The following CTNNA2 variants were observed in gnomAD, a reference collection of about 807,000 sequenced individuals.
The protein encoded by CTNNA2 is catenin alpha-2.
CTNNA2 carries 42 observed loss-of-function variants against 101.0 expected under a neutral mutation model. That is an observed-to-expected ratio of 0.42 (90% CI 0.32 to 0.54). The LOEUF (loss-of-function observed/expected upper bound fraction) is 0.54. Among genes scored for constraint, CTNNA2 ranks in the 20% least tolerant of loss-of-function variants. The pLI is 0.14. For synonymous variants in CTNNA2, 450 were observed against 456.4 expected (o/e 0.99, Z 0.18); for missense variants, 871 against 1,223.1 (o/e 0.71, Z 4.29).
At chr2:79,216,088 T>C (rs1674254097) in intron 2 of CTNNA2, among the ~76,000 whole-genome samples, 1 of 152,130 alleles carries the variant, frequency 6.6e-6, no homozygotes, top group African/African-American at 2.4e-5. Context: ...TTGCCTATTT[T>C]ACGACAAGAA....
intron 2 of CTNNA2, among the ~76,000 whole-genome samples, chr2:79,655,047 T>G (rs1356189497): frequency 7.9e-5 from 12 of 152,202 alleles, no homozygotes; most frequent in Admixed American, 7.9e-4. Context: ...TGTTGTGTTT[T>G]ATAAAATATT....
At chr2:79,595,978 C>T (rs867589789) in intron 1 of CTNNA2, among the ~76,000 whole-genome samples, 1 of 151,088 alleles carries the variant, frequency 6.6e-6, no homozygotes, top group African/African-American at 2.4e-5. Context: ...ATACTCTTCT[C>T]TTTAATGCCT....
intron 4 of CTNNA2, among the ~76,000 whole-genome samples, chr2:79,456,592 C>T (rs1670825079): frequency 6.6e-6 from 1 of 152,166 alleles, no homozygotes; most frequent in Non-Finnish European, 1.5e-5. Context: ...GACAAATTGA[C>T]ATCAGCTTGT....
intron 7 of CTNNA2, among the ~76,000 whole-genome samples, chr2:80,365,344 T>C (rs977794684): frequency 2.0e-5 from 3 of 152,186 alleles, no homozygotes; most frequent in Non-Finnish European, 4.4e-5. Flanking sequence ...ATGCTGACAG[T>C]GCAGCCCTGC....
chr2:79,241,008 A>G (rs1228239102), intron 2 of CTNNA2, among the ~76,000 whole-genome samples: 3 of 152,148 alleles, frequency 2.0e-5, no homozygotes, highest in African/African-American at 7.2e-5. Flanking sequence ...GCTTCACTCA[A>G]CATATTCCCT....
At chr2:79,354,747 G>T (rs1342959726) in intron 3 of CTNNA2, among the ~76,000 whole-genome samples, 6 of 152,090 alleles carry the variant, frequency 3.9e-5, no homozygotes, top group Admixed American at 3.9e-4. Flanking sequence ...AGAGTGAATT[G>T]CCCTGCAGTT....
At chr2:79,959,730 G>A (rs915659419) in intron 7 of CTNNA2, among the ~76,000 whole-genome samples, 2 of 152,230 alleles carry the variant, frequency 1.3e-5, no homozygotes, top group African/African-American at 4.8e-5. Context: ...ACAAGTAGGA[G>A]CAGTGAGATT....
At chr2:80,189,892 T>C (rs1409917163) in intron 7 of CTNNA2, among the ~76,000 whole-genome samples, 1 of 152,134 alleles carries the variant, frequency 6.6e-6, no homozygotes, top group Non-Finnish European at 1.5e-5. Context: ...GAGAGTTTTG[T>C]TGTGTGTGTG....
chr2:79,993,055 G>C (rs1446126699), intron 7 of CTNNA2, among the ~76,000 whole-genome samples: 1 of 152,066 alleles, frequency 6.6e-6, no homozygotes, highest in East Asian at 1.9e-4. Flanking sequence ...TCAACAGGTG[G>C]CTTTCTTGCA....
intron 4 of CTNNA2, 129 bp from the exon 5 acceptor site, chr2:79,869,687 C>A: frequency 8.6e-7 from 1 of 1,168,930 alleles, no homozygotes; most frequent in African/African-American, 1.6e-5. Flanking sequence ...AACTCTTCTC[C>A]TATTTTTTCA....
chr2:80,138,267 C>T (rs17018676), intron 7 of CTNNA2, among the ~76,000 whole-genome samples: 12 of 152,006 alleles, frequency 7.9e-5, no homozygotes, highest in Non-Finnish European at 1.6e-4. Context: ...AGAACATCAA[C>T]CTTCTTGGGG....
chr2:80,529,123 C>A (rs1285589847), intron 9 of CTNNA2, among the ~76,000 whole-genome samples: 3 of 152,120 alleles, frequency 2.0e-5, no homozygotes, highest in Non-Finnish European at 4.4e-5. Flanking sequence ...CAGACAAACA[C>A]CAGAGTAGTT....
intron 7 of CTNNA2, among the ~76,000 whole-genome samples, chr2:80,096,791 G>C (rs1700183842): frequency 6.6e-6 from 1 of 152,052 alleles, no homozygotes. Context: ...GATGTTTGTT[G>C]GTTTAAAGTC....
chr2:79,559,600 TG>T (rs1347492368), intron 1 of CTNNA2, among the ~76,000 whole-genome samples: 2 of 151,932 alleles, frequency 1.3e-5, no homozygotes, highest in Non-Finnish European at 2.9e-5. Context: ...ACTGTGAAGA[TG>T]GTGATATCAT....
chr2:79,343,821 T>G (rs1677194812), intron 3 of CTNNA2, among the ~76,000 whole-genome samples: 1 of 152,082 alleles, frequency 6.6e-6, no homozygotes, highest in African/African-American at 2.4e-5. Context: ...CTTCAGCTAT[T>G]CATCCTTGAC....
chr2:80,261,066 C>T (rs911115055), intron 7 of CTNNA2, among the ~76,000 whole-genome samples: 9 of 152,144 alleles, frequency 5.9e-5, no homozygotes, highest in African/African-American at 2.2e-4. Context: ...TAAACATTTC[C>T]AGTGCTTGCA....
intron 7 of CTNNA2, among the ~76,000 whole-genome samples, chr2:80,197,684 A>G (rs577266671): frequency 6.6e-6 from 1 of 151,666 alleles, no homozygotes; most frequent in Non-Finnish European, 1.5e-5. Flanking sequence ...CCAAGTGCCA[A>G]CCTGACCCTT....
At chr2:80,172,471 A>G (rs1411681478) in intron 7 of CTNNA2, among the ~76,000 whole-genome samples, 2 of 151,652 alleles carry the variant, frequency 1.3e-5, no homozygotes, top group Non-Finnish European at 2.9e-5. Context: ...TTATATACTC[A>G]CTCCTCATTC....
chr2:80,192,338 G>C (rs895039220), intron 7 of CTNNA2, among the ~76,000 whole-genome samples: 1 of 152,072 alleles, frequency 6.6e-6, no homozygotes, highest in African/African-American at 2.4e-5. Flanking sequence ...CCTTACCTTA[G>C]CCAAAACCAC....
Sources: allele counts gnomAD v4.1 joint callset (sites outside exome capture counted in the v4.1 genomes callset), GRCh38; gene constraint gnomAD v4.1.1; transcripts MANE v1.5; gene names NCBI Gene and HGNC (gene_info 2026-07-23, HGNC 2026-07-21).